TMEM117: variants seen among roughly 807,000 people sequenced by gnomAD.
TMEM117 encodes transmembrane protein 117.
TMEM117 carries 27 observed loss-of-function variants against 52.4 expected under a neutral mutation model. The observed-to-expected ratio is 0.51, with a 90% CI of 0.38 to 0.71. The LOEUF (loss-of-function observed/expected upper bound fraction) is 0.71. TMEM117 is among the 30% of genes least tolerant of loss of function. The pLI is 0.00. For missense variants in TMEM117, 556 were observed against 630.5 expected (o/e 0.88, Z 1.26); for synonymous variants, 215 against 206.3 (o/e 1.04, Z -0.36).
rs541569721 is a variant in TMEM117 at position 44,042,535 on chromosome 12, A to G, written c.410+98193A>G. ...ACCCACCCTTAATCTGGTGGGCACCATCTAATCAGCATCCAGTGAATATAA... is the reference window on the plus strand; with the variant it reads ...ACCCACCCTTAATCTGGTGGGCACCGTCTAATCAGCATCCAGTGAATATAA... On this transcript the variant is annotated intron_variant, in intron 3 of 7. Transcript: ENST00000266534. Among the ~76,000 whole-genome samples, 6 of 152,214 alleles carry G rather than the reference A, an allele frequency of 3.9e-5. 1 individual carries two copies. The highest frequency in any genetic ancestry group is 1.2e-4 in the African/African-American group (5 of 41,530).
At chr12:44,165,353 G>C (rs966271937) in intron 4 of TMEM117, among the ~76,000 whole-genome samples, 13 of 152,104 alleles carry the variant, frequency 8.5e-5, no homozygotes, top group Non-Finnish European at 1.0e-4. Context: ...AATGATAGAA[G>C]TAAGACCTCA....
intron 6 of TMEM117, among the ~76,000 whole-genome samples, chr12:44,309,602 T>G (rs1950947075): frequency 6.6e-6 from 1 of 152,156 alleles, no homozygotes; most frequent in Admixed American, 6.5e-5. Flanking sequence ...CATTGAGCAC[T>G]TAATATGTAC....
At chr12:44,108,174 C>T (rs1016376414) in intron 3 of TMEM117, among the ~76,000 whole-genome samples, 1 of 152,058 alleles carries the variant, frequency 6.6e-6, no homozygotes, top group Non-Finnish European at 1.5e-5. Context: ...ACCTGTTCCA[C>T]TAATCACTTG....
chr12:44,384,068 C>T (rs1246390106), intron 7 of TMEM117, among the ~76,000 whole-genome samples: 1 of 152,084 alleles, frequency 6.6e-6, no homozygotes, highest in Admixed American at 6.6e-5. Flanking sequence ...GGTTGCCCTG[C>T]CTGACTTCAC....
intron 6 of TMEM117, among the ~76,000 whole-genome samples, chr12:44,302,741 A>G (rs917543786): frequency 5.3e-5 from 8 of 152,218 alleles, no homozygotes. Context: ...AGCATCATGT[A>G]GAAGTTGTAG....
chr12:44,310,749 T>C (rs534754159), intron 6 of TMEM117, among the ~76,000 whole-genome samples: 1 of 152,326 alleles, frequency 6.6e-6, no homozygotes, highest in East Asian at 1.9e-4. Flanking sequence ...GCCTGGGATA[T>C]ATGTTCCTTT....
intron 4 of TMEM117, among the ~76,000 whole-genome samples, chr12:44,146,843 T>C (rs984829359): frequency 6.6e-5 from 10 of 152,224 alleles, no homozygotes; most frequent in African/African-American, 2.2e-4. Flanking sequence ...GTGTCTTTTA[T>C]ATATTTCTGA....
chr12:44,396,697 T>C, the TMEM117 span, among the ~76,000 whole-genome samples: 1 of 151,536 alleles, frequency 6.6e-6, no homozygotes, highest in East Asian at 2.0e-4. Flanking sequence ...CTACTGAAAA[T>C]ATAAAAATTA....
At position 44,388,548 on chromosome 12, in the gene TMEM117, A is replaced by G. The variant is rs1027142867; in HGVS notation, c.1421A>G (p.Asn474Ser). The change falls in exon 8 of 8, where the codon AAT becomes AGT. Residue 474 changes from asparagine (N) to serine (S), a missense_variant. Physicochemically the swap from Asn to Ser is conservative, Grantham distance 46. Transcript: ENST00000266534. ...TTGGTTTGCATCAGGTCTGACTTCA[A>G]TGAGATCGTCTACAAGTCTTCCCAC... is the stretch of plus-strand genomic sequence containing the variant. ...PSLVCIRSDF[N>S]EIVYKSSHLT... 5.0e-6 allele frequency: 8 copies of G among 1,613,458 alleles called. No homozygotes were observed. Among genetic ancestry groups the G allele is most frequent in the Middle Eastern group, 1.6e-4 (1 of 6,078 alleles).
chr12:44,287,886 TG>T (rs1950656675), intron 5 of TMEM117, among the ~76,000 whole-genome samples: 1 of 152,200 alleles, frequency 6.6e-6, no homozygotes, highest in South Asian at 2.1e-4. Flanking sequence ...GGGATGGTAT[TG>T]GGGTAGTAGT....
intron 3 of TMEM117, among the ~76,000 whole-genome samples, chr12:43,946,242 G>T (rs1044579427): frequency 1.3e-5 from 2 of 152,014 alleles, no homozygotes; most frequent in African/African-American, 2.4e-5. Flanking sequence ...AGTTGTTTTT[G>T]AACTCAAAGC....
chr12:44,333,130 T>C (rs932425749), intron 6 of TMEM117, among the ~76,000 whole-genome samples: 16 of 152,136 alleles, frequency 1.1e-4, no homozygotes, highest in African/African-American at 3.9e-4. Context: ...TTTATAGATC[T>C]CTCACCAATT....
chr12:43,896,048 A>G (rs1261985235), intron 2 of TMEM117, among the ~76,000 whole-genome samples: 1 of 152,168 alleles, frequency 6.6e-6, no homozygotes, highest in East Asian at 1.9e-4. Context: ...CAGTCCTCTG[A>G]CTCAAATGTC....
intron 6 of TMEM117, among the ~76,000 whole-genome samples, chr12:44,354,991 G>A (rs2138791157): frequency 6.6e-6 from 1 of 152,024 alleles, no homozygotes. Flanking sequence ...AATCTGTCCA[G>A]CATACTCATA....
At chr12:44,054,450 G>C (rs1011418088) in intron 3 of TMEM117, among the ~76,000 whole-genome samples, 1 of 152,122 alleles carries the variant, frequency 6.6e-6, no homozygotes, top group African/African-American at 2.4e-5. Context: ...AAATTCAACT[G>C]AACTGTGTCA....
In TMEM117 at chr12:44,218,352, A is replaced by G. The variant is rs183279842; in HGVS notation, c.608+6965A>G. Among the ~76,000 whole-genome samples the G allele has an allele frequency of 4.5e-4, 69 of 152,358 alleles. 1 individual carries two copies. Among genetic ancestry groups the G allele is most frequent in the Admixed American group, 4.3e-3 (66 of 15,298 alleles). ...CAACATCTGTAAATCAATCAATGTA[A>G]TTATACCACATTAGAGTAACAGAAT... On this transcript the variant is annotated intron_variant, in intron 5 of 7. Coordinates refer to ENST00000266534, the MANE Select transcript of TMEM117 (RefSeq NM_032256.3).
chr12:44,357,402 G>T (rs1951664677), intron 6 of TMEM117, among the ~76,000 whole-genome samples: 1 of 152,032 alleles, frequency 6.6e-6, no homozygotes, highest in African/African-American at 2.4e-5. Context: ...CTACACCATG[G>T]GTATAGAATA....
At chr12:43,986,684 T>C (rs781738234) in intron 3 of TMEM117, among the ~76,000 whole-genome samples, 6 of 152,286 alleles carry the variant, frequency 3.9e-5, no homozygotes, top group Non-Finnish European at 7.4e-5. Flanking sequence ...CTCACTTCTG[T>C]AACATCCTTT....
chr12:43,897,186 C>T (rs534650998), intron 2 of TMEM117, among the ~76,000 whole-genome samples: 3 of 152,294 alleles, frequency 2.0e-5, no homozygotes, highest in East Asian at 1.9e-4. Flanking sequence ...CAGTCTCTCA[C>T]CATATTCTTA....
Sources: gnomAD v4.1 joint callset for allele counts (sites outside exome capture counted in the v4.1 genomes callset) on GRCh38, gnomAD v4.1.1 for gene constraint, MANE v1.5 for transcripts, NCBI Gene and HGNC (gene_info 2026-07-23, HGNC 2026-07-21) for gene names.